The following PSMD1 variants were observed in gnomAD, a reference collection of about 807,000 sequenced individuals.
PSMD1 encodes 26S proteasome non-ATPase regulatory subunit 1.
Under a neutral mutation model 119.0 loss-of-function variants are expected in PSMD1, and 18 were observed. The ratio of observed to expected loss-of-function variants is 0.15; its 90% CI spans 0.10 to 0.22. The LOEUF (loss-of-function observed/expected upper bound fraction) is 0.22, where lower values mean the gene tolerates loss of function less well. Ranked by LOEUF, PSMD1 falls within the 10% of genes least tolerant of loss-of-function variation. The pLI is 1.00. For synonymous variants in PSMD1, 374 were observed against 396.6 expected (o/e 0.94, Z 0.68); for missense variants, 702 against 1,158.5 (o/e 0.61, Z 5.72).
chr2:231,084,578 T>G (rs1160835991), intron 14 of PSMD1, among the ~76,000 whole-genome samples: 1 of 152,104 alleles, frequency 6.6e-6, no homozygotes, highest in Non-Finnish European at 1.5e-5. Context: ...GAACCACTGC[T>G]ATAGTTTATT....
At chr2:231,113,851 A>T in intron 16 of PSMD1, 2 of 1,614,196 alleles carry the variant, frequency 1.2e-6, no homozygotes. Flanking sequence ...ACAGAGATGC[A>T]TGATGGATGC....
At position 231,131,761 on chromosome 2, in the gene PSMD1, CAAAAAAA is replaced by C. The variant is rs540366686; in HGVS notation, c.1884-6955_1884-6949del. Among the ~76,000 whole-genome samples, 29 of 11,830 alleles carry C rather than the reference CAAAAAAA, an allele frequency of 2.5e-3. 1 individual carries two copies. Among genetic ancestry groups the C allele is most frequent in the South Asian group, 7.8e-3 (2 of 258 alleles). 7.8% of individuals were successfully genotyped at this position (11,830 alleles called of 152,430 possible). A position where few individuals can be genotyped will look rare whatever the true frequency, so the allele number is the denominator to read the frequency against. Reference sequence around the variant, plus strand: ...TGGGCGACAGAGCGAGACTCCGTCTCAAAAAAAAAAAAAAAAAAAAAAAAAAGAAAGT... The same window carrying C: ...TGGGCGACAGAGCGAGACTCCGTCTCAAAAAAAAAAAAAAAAAAAGAAAGT... On this transcript the variant is annotated intron_variant, in intron 16 of 24. Transcript: ENST00000308696.
At chr2:231,118,492 C>T (rs750883074) in intron 16 of PSMD1, among the ~76,000 whole-genome samples, 49 of 152,224 alleles carry the variant, frequency 3.2e-4, no homozygotes, top group Non-Finnish European at 5.6e-4. Context: ...TTTTTACTAA[C>T]GTTGAATTTT....
At chr2:231,146,482 G>A (rs1311508549) in intron 18 of PSMD1, 126 bp downstream of exon 18, 6 of 669,204 alleles carry the variant, frequency 9.0e-6, no homozygotes, top group Non-Finnish European at 1.6e-5. Context: ...AAAGTAAAGA[G>A]AGCATTTTAG....
At position 231,170,496 on chromosome 2, in the gene PSMD1, G is replaced by T; in HGVS notation, c.2716-70G>T. 7.1e-7 allele frequency: 1 copy of T among 1,416,792 alleles called. No homozygotes were observed. Among genetic ancestry groups the T allele is most frequent in the Non-Finnish European group, 9.4e-7 (1 of 1,060,532 alleles). 87.8% of individuals were successfully genotyped at this position (1,416,792 alleles called of 1,614,324 possible). A position where few individuals can be genotyped will look rare whatever the true frequency, so the allele number is the denominator to read the frequency against. ...GTAGTTTTAAAGTACCATTTAACAA[G>T]TATTTACTCTAGATTGTGGAGCACG... is the stretch of plus-strand genomic sequence containing the variant. On this transcript the variant is annotated intron_variant, in intron 23 of 24. Coordinates refer to ENST00000308696, the MANE Select transcript of PSMD1 (RefSeq NM_002807.4). This position sits in a 1 kb window ranked among gnomAD's most constrained non-coding sequence, Gnocchi z 4.1.
At position 231,148,446 on chromosome 2, in the gene PSMD1, C is replaced by G. The variant is rs374866226; in HGVS notation, c.2115+2090C>G. On this transcript the variant is annotated intron_variant, in intron 18 of 24. Transcript: ENST00000308696. ...CAAAAATGGCAGAGTCCTTTAGGAGCTGGATAATCATTCCAGGAACTGTTA... is the reference window on the plus strand; with the variant it reads ...CAAAAATGGCAGAGTCCTTTAGGAGGTGGATAATCATTCCAGGAACTGTTA... 9.9e-5 allele frequency among the ~76,000 whole-genome samples: 15 copies of G among 152,278 alleles called. No individual in the cohort carries two copies. In the East Asian group the frequency reaches 2.3e-3, roughly 23 times the overall value.
At chr2:231,124,444 A>G (rs1440942987) in intron 16 of PSMD1, among the ~76,000 whole-genome samples, 1 of 152,132 alleles carries the variant, frequency 6.6e-6, no homozygotes, top group East Asian at 1.9e-4. Context: ...CTGGCCACCC[A>G]CCTAGAAACA....
intron 16 of PSMD1, chr2:231,124,167 A>G (rs905643319): frequency 2.6e-5 from 5 of 191,980 alleles, no homozygotes; most frequent in Non-Finnish European, 5.5e-5. Context: ...TATTTTATTC[A>G]TTTCTGAAAG....
At chr2:231,168,198 C>T (rs1696831615) in intron 23 of PSMD1, among the ~76,000 whole-genome samples, 1 of 152,170 alleles carries the variant, frequency 6.6e-6, no homozygotes. Context: ...AATTGGAACC[C>T]TCATAGAGTA....
chr2:231,078,622 T>C, intron 9 of PSMD1, 37 bp from the exon 10 acceptor site: 1 of 1,526,942 alleles, frequency 6.5e-7, no homozygotes, highest in Non-Finnish European at 9.0e-7. Flanking sequence ...ATGAATACTT[T>C]GCCAGTGATG....
chr2:231,137,048 T>C (rs1239784769), intron 16 of PSMD1, among the ~76,000 whole-genome samples: 2 of 145,444 alleles, frequency 1.4e-5, no homozygotes, highest in African/African-American at 2.5e-5. Context: ...AATTATATAA[T>C]ATATAAATAT....
chr2:231,076,748 C>G (rs1459396628), intron 8 of PSMD1, among the ~76,000 whole-genome samples: 4 of 152,050 alleles, frequency 2.6e-5, no homozygotes, highest in Non-Finnish European at 4.4e-5. Flanking sequence ...TAAATTGACT[C>G]ATTTAATAAA....
At chr2:231,158,906 T>C (rs913573105) in intron 19 of PSMD1, among the ~76,000 whole-genome samples, 1 of 152,164 alleles carries the variant, frequency 6.6e-6, no homozygotes, top group Non-Finnish European at 1.5e-5. Flanking sequence ...TTCATTTCTA[T>C]TGGAAAAACA....
chr2:231,076,181 G>A (rs772430473), intron 8 of PSMD1, among the ~76,000 whole-genome samples: 1 of 152,158 alleles, frequency 6.6e-6, no homozygotes, highest in Non-Finnish European at 1.5e-5. Flanking sequence ...AAAAGGTATG[G>A]TCTCTAGCAA....
In PSMD1 at chr2:231,153,586, A is replaced by C; in HGVS notation, c.2138A>C (p.Tyr713Ser). 1.2e-6 allele frequency: 2 copies of C among 1,613,678 alleles called. No homozygotes were observed. The highest frequency in any genetic ancestry group is 1.7e-6 in the Non-Finnish European group (2 of 1,179,634). ...CPKVNQFRQL[Y>S]SKVINDKHDD... The stretch of plus-strand genomic sequence containing the variant: ...CAGGTGAATCAGTTCAGACAGCTGT[A>C]TTCCAAAGTCATCAATGATAAGCAT... The change falls in exon 19 of 25, where the codon TAT becomes TCT. Residue 713 changes from tyrosine (Y) to serine (S), a missense_variant. Coordinates refer to ENST00000308696, the MANE Select transcript of PSMD1 (RefSeq NM_002807.4).
At chr2:231,120,649 A>G (rs1298564881) in intron 16 of PSMD1, among the ~76,000 whole-genome samples, 1 of 152,230 alleles carries the variant, frequency 6.6e-6, no homozygotes, top group Non-Finnish European at 1.5e-5. Context: ...CAGTATAAGG[A>G]CAGAAGGTCC....
rs964885482 is a variant in PSMD1, at chr2:231,077,072, A to C, written c.981A>C (p.Lys327Asn). Residue 327 changes from lysine to asparagine, a missense_variant, in exon 9 of 25, where the codon AAA becomes AAC. This residue lies in a region of PSMD1 where 69 missense variants were observed against 71.6 expected (regional missense o/e 0.96). Coordinates refer to ENST00000308696, the MANE Select transcript of PSMD1 (RefSeq NM_002807.4). ...AGGACCAGACTTTGAAAATGATTAA[A>C]ATTTTAAGTGGTGAAATGGCTATTG... The part of the protein sequence containing the change: ...EPKDQTLKMI[K>N]ILSGEMAIEL... 1 of 1,607,800 alleles carries C rather than the reference A, an allele frequency of 6.2e-7. No individual in the cohort carries two copies. Among genetic ancestry groups the C allele is most frequent in the African/African-American group, 1.3e-5 (1 of 74,650 alleles).
intron 16 of PSMD1, among the ~76,000 whole-genome samples, chr2:231,125,351 T>G (rs1313674447): frequency 1.3e-5 from 2 of 152,324 alleles, no homozygotes; most frequent in Non-Finnish European, 2.9e-5. Context: ...TTTTTCACAT[T>G]TGAGAAAAAA....
At chr2:231,136,464 T>A (rs1231451321) in intron 16 of PSMD1, among the ~76,000 whole-genome samples, 1 of 152,270 alleles carries the variant, frequency 6.6e-6, no homozygotes, top group African/African-American at 2.4e-5. Context: ...AATTTTATTT[T>A]ATTGGTTTGA....
Sources: allele counts gnomAD v4.1 joint callset (sites outside exome capture counted in the v4.1 genomes callset), GRCh38; gene constraint gnomAD v4.1.1; regional missense constraint gnomAD v4.1.1; non-coding constraint Gnocchi (gnomAD v3.1); transcripts MANE v1.5; gene names NCBI Gene and HGNC (gene_info 2026-07-23, HGNC 2026-07-21).